XKR4: variants seen among roughly 807,000 people sequenced by gnomAD.
XKR4 encodes the protein XK related 4.
Under a neutral mutation model 53.9 loss-of-function variants are expected in XKR4, and 12 were observed. The ratio of observed to expected loss-of-function variants is 0.22; its 90% CI spans 0.14 to 0.36. The LOEUF is 0.36. Ranked by LOEUF, XKR4 falls within the 10% of genes least tolerant of loss-of-function variation. XKR4 has a pLI of 1.00. For synonymous variants in XKR4, 354 were observed against 362.4 expected, an observed-to-expected ratio of 0.98 and a Z score of 0.26; for missense variants, 799 against 859.5, an observed-to-expected ratio of 0.93 and a Z score of 0.88.
chr8:55,521,946 T>C lies in XKR4; in HGVS notation c.1007-1335T>C, dbSNP rs181761436. ...AATGGGGCCTGGTTATGATTAATAA[T>C]AGATTTGGTGAAGAAAAAGCCAGCC... On this transcript the variant is annotated intron_variant, in intron 2 of 2. Transcript: ENST00000327381. Among the ~76,000 whole-genome samples, 22 of 152,308 alleles carry C rather than the reference T, an allele frequency of 1.4e-4. No individual in the cohort carries two copies. In the East Asian group the frequency reaches 3.8e-3, roughly 27 times the overall value.
chr8:55,107,529 T>C (rs1463696145), intron 1 of XKR4, among the ~76,000 whole-genome samples: 1 of 152,220 alleles, frequency 6.6e-6, no homozygotes, highest in Admixed American at 6.5e-5. Flanking sequence ...CTTAGCTCTT[T>C]GAACTCCCAG....
chr8:55,217,749 GATAGATAGAT>G, intron 1 of XKR4, among the ~76,000 whole-genome samples: 1 of 78,876 alleles, frequency 1.3e-5, no homozygotes, highest in Non-Finnish European at 4.1e-5. Flanking sequence ...TAGATAGATA[GATAGATAGAT>G]AGATAGATAG....
chr8:55,499,804 T>G (rs1179963938), intron 2 of XKR4, among the ~76,000 whole-genome samples: 1 of 152,166 alleles, frequency 6.6e-6, no homozygotes, highest in African/African-American at 2.4e-5. Context: ...AGCAAACAGT[T>G]CTCCTTTCTG....
chr8:55,389,797 C>G (rs1804418182), intron 2 of XKR4, among the ~76,000 whole-genome samples: 1 of 152,140 alleles, frequency 6.6e-6, no homozygotes, highest in Non-Finnish European at 1.5e-5. Flanking sequence ...AAGTCCCTGG[C>G]AACACACTCC....
intron 1 of XKR4, among the ~76,000 whole-genome samples, chr8:55,231,002 G>T (rs1818032275): frequency 6.6e-6 from 1 of 152,166 alleles, no homozygotes; most frequent in Non-Finnish European, 1.5e-5. Context: ...TGCTTAAGAG[G>T]CATGTGACAC....
At position 55,540,941 on chromosome 8, in the gene XKR4, C is replaced by T. The variant is rs1399709409; in HGVS notation, c.*16714C>T. On this transcript the variant is annotated 3_prime_UTR_variant, in exon 3 of 3. Transcript: ENST00000327381. Reference sequence around the variant, plus strand: ...AGCAGATTGGAAACAAATACTACTACCACTAATATTCTGATGTAATTAATA... The same window carrying T: ...AGCAGATTGGAAACAAATACTACTATCACTAATATTCTGATGTAATTAATA... The T allele has an allele frequency of 2.6e-5, 4 of 152,150 alleles. No homozygotes were observed. The highest frequency in any genetic ancestry group is 5.9e-5 in the Non-Finnish European group (4 of 68,034). 9.4% of individuals were successfully genotyped at this position (152,150 alleles called of 1,614,324 possible).
intron 2 of XKR4, among the ~76,000 whole-genome samples, chr8:55,383,565 C>T (rs537844106): frequency 1.3e-3 from 195 of 152,158 alleles, no homozygotes; most frequent in African/African-American, 4.3e-3. Flanking sequence ...TAGGCAAATT[C>T]GCATTATAAT....
At chr8:55,435,056 C>T (rs1805154887) in intron 2 of XKR4, among the ~76,000 whole-genome samples, 1 of 152,214 alleles carries the variant, frequency 6.6e-6, no homozygotes, top group African/African-American at 2.4e-5. Context: ...AACAGGGCCA[C>T]TCATACACAC....
At chr8:55,262,868 G>A (rs541973487) in intron 1 of XKR4, among the ~76,000 whole-genome samples, 1 of 152,272 alleles carries the variant, frequency 6.6e-6, no homozygotes, top group South Asian at 2.1e-4. Flanking sequence ...TAGGCTAGAT[G>A]GATGCACCAA....
At position 55,471,470 on chromosome 8, in the gene XKR4, G is replaced by A. The variant is rs144941707; in HGVS notation, c.1007-51811G>A. On this transcript the variant is annotated intron_variant, in intron 2 of 2. Transcript: ENST00000327381. Reference sequence around the variant, plus strand: ...AATCTGAAACTCGGAGTTGGGGCCCGGCCATCTGTGTTGTACCAAGCCCTC... The same window carrying A: ...AATCTGAAACTCGGAGTTGGGGCCCAGCCATCTGTGTTGTACCAAGCCCTC... Among the ~76,000 whole-genome samples, 236 of 152,156 alleles carry A rather than the reference G, an allele frequency of 1.6e-3. 1 individual carries two copies. Among genetic ancestry groups the A allele is most frequent in the Non-Finnish European group, 2.2e-3 (149 of 68,018 alleles).
At chr8:55,469,871 C>G (rs868255240) in intron 2 of XKR4, among the ~76,000 whole-genome samples, 20 of 152,240 alleles carry the variant, frequency 1.3e-4, no homozygotes, top group Middle Eastern at 6.8e-3. Flanking sequence ...CAATCATTCA[C>G]TCAACAAACA....
chr8:55,385,517 A>G (rs899339424), intron 2 of XKR4, among the ~76,000 whole-genome samples: 2 of 152,228 alleles, frequency 1.3e-5, no homozygotes, highest in Non-Finnish European at 2.9e-5. Context: ...AGCTGTATCT[A>G]TAGCTTCTAC....
rs972180495 is a variant in XKR4 at position 55,478,697 on chromosome 8, G to A, written c.1007-44584G>A. Among the ~76,000 whole-genome samples, 83 of 152,244 alleles carry A rather than the reference G, an allele frequency of 5.5e-4. 1 individual carries two copies. The highest frequency in any genetic ancestry group is 1.9e-3 in the African/African-American group (80 of 41,508). On this transcript the variant is annotated intron_variant, in intron 2 of 2. Coordinates refer to ENST00000327381, the MANE Select transcript of XKR4 (RefSeq NM_052898.2). ...ACACATAGGCTCAAAATAAAAGGATGGAGGAAGATCTACCAAGCAAATGGA... is the reference window on the plus strand; with the variant it reads ...ACACATAGGCTCAAAATAAAAGGATAGAGGAAGATCTACCAAGCAAATGGA...
chr8:55,157,362 A>G lies in XKR4; in HGVS notation c.806+54068A>G, dbSNP rs933503768. On this transcript the variant is annotated intron_variant, in intron 1 of 2. Coordinates refer to ENST00000327381, the MANE Select transcript of XKR4 (RefSeq NM_052898.2). ...TATGATAAAGAGATAGCATCATCTA[A>G]ATAACACTAGATAACATGATAAGAG... is the stretch of plus-strand genomic sequence containing the variant. Among the ~76,000 whole-genome samples the G allele has an allele frequency of 1.1e-4, 16 of 152,328 alleles. 1 individual carries two copies. The highest frequency in any genetic ancestry group is 8.5e-4 in the Admixed American group (13 of 15,292).
chr8:55,297,547 G>A (rs951931653), intron 1 of XKR4, among the ~76,000 whole-genome samples: 1 of 152,126 alleles, frequency 6.6e-6, no homozygotes, highest in South Asian at 2.1e-4. Context: ...GACCTACTGA[G>A]ATAAAAAAGC....
chr8:55,419,591 G>T (rs1277358047), intron 2 of XKR4, among the ~76,000 whole-genome samples: 1 of 152,162 alleles, frequency 6.6e-6, no homozygotes, highest in African/African-American at 2.4e-5. Context: ...GCTTTTAACA[G>T]GAGTGATACA....
chr8:55,127,754 C>A (rs1342955620), intron 1 of XKR4, among the ~76,000 whole-genome samples: 1 of 144,488 alleles, frequency 6.9e-6, no homozygotes, highest in African/African-American at 2.6e-5. Flanking sequence ...CAACAGTCCC[C>A]AGTGTGTGAT....
chr8:55,365,305 C>T (rs981179055), intron 2 of XKR4, among the ~76,000 whole-genome samples: 5 of 152,200 alleles, frequency 3.3e-5, no homozygotes, highest in Non-Finnish European at 1.5e-5. Context: ...AACCACTGAG[C>T]TTTGTTGTAG....
chr8:55,290,193 G>A (rs957556850), intron 1 of XKR4, among the ~76,000 whole-genome samples: 1 of 150,312 alleles, frequency 6.7e-6, no homozygotes, highest in East Asian at 1.9e-4. Flanking sequence ...GCAGTGGTGC[G>A]ATCTTGGCTC....
Sources: gnomAD v4.1 joint callset for allele counts (sites outside exome capture counted in the v4.1 genomes callset) on GRCh38, gnomAD v4.1.1 for gene constraint, MANE v1.5 for transcripts, NCBI Gene and HGNC (gene_info 2026-07-23, HGNC 2026-07-21) for gene names.